The following CLN3 variants were observed in gnomAD, a reference collection of about 807,000 sequenced individuals.
CLN3 encodes CLN3 lysosomal/endosomal transmembrane protein, battenin, also known as battenin.
In CLN3, 49 loss-of-function variants were observed where a neutral mutation model predicts 60.7. The ratio of observed to expected loss-of-function variants is 0.81; its 90% confidence interval spans 0.64 to 1.02. CLN3 has a LOEUF of 1.02. Among genes scored for constraint, CLN3 ranks in the 50% least tolerant of loss-of-function variants. The pLI, the probability that CLN3 is intolerant of heterozygous loss-of-function variation, is 0.00. For missense variants in CLN3, 516 were observed against 557.4 expected (o/e 0.93, Z 0.75); for synonymous variants, 256 against 245.8 (o/e 1.04, Z -0.39).
At chr16:28,474,396 A>C (rs1227132796), downstream of CLN3, 1 of 152,208 alleles carries the variant, frequency 6.6e-6, no homozygotes, top group Non-Finnish European at 1.5e-5. Context: ...GGAGACTGAG[A>C]TTGCAGTGAG....
chr16:28,468,593 G>T, the CLN3 span, among the ~76,000 whole-genome samples: 2 of 135,334 alleles, frequency 1.5e-5, no homozygotes, highest in Non-Finnish European at 3.2e-5. Context: ...TGGACCACGA[G>T]ATCAGGAGAT....
intron 14 of CLN3, among the ~76,000 whole-genome samples, chr16:28,478,761 G>A (rs528445281): frequency 3.1e-4 from 47 of 152,104 alleles, no homozygotes; most frequent in African/African-American, 1.0e-3. Flanking sequence ...ATATGGCAGC[G>A]CATTTAGCAG....
rs184662946 is a variant in CLN3, at chr16:28,477,372, C to T, written c.*144G>A. 6.9e-4 allele frequency: 767 copies of T among 1,106,736 alleles called. 15 individuals are homozygous for T. The Admixed American group carries it at 0.015, about 21-fold the overall frequency. 68.6% of individuals were successfully genotyped at this position (1,106,736 alleles called of 1,614,324 possible). A position where few individuals can be genotyped will look rare whatever the true frequency, so the allele number is the denominator to read the frequency against. On this transcript the variant is annotated 3_prime_UTR_variant, in exon 16 of 16. Transcript: ENST00000636147. The stretch of plus-strand genomic sequence containing the variant: ...ATGGCTGGCCCCCCTGCAAGGGAAA[C>T]AAGGCTTCAGCCCTTCCCTACTCCC...
At chr16:28,480,543 G>C (rs2046072434) in intron 14 of CLN3, among the ~76,000 whole-genome samples, 1 of 152,082 alleles carries the variant, frequency 6.6e-6, no homozygotes, top group South Asian at 2.1e-4. Context: ...TGAGATGACA[G>C]GCAGGTGCCA....
chr16:28,482,784 C>A lies in CLN3; in HGVS notation c.791-112G>T, dbSNP rs111351669. ...ACCACGCAACAGTGGGAACTCACTTCCATGCCACTGGATTGGACACTTAAA... is the reference window on the plus strand; with the variant it reads ...ACCACGCAACAGTGGGAACTCACTTACATGCCACTGGATTGGACACTTAAA... On this transcript the variant is annotated intron_variant, in intron 10 of 15. Coordinates refer to ENST00000636147, the MANE Select transcript of CLN3 (RefSeq NM_001042432.2). 2.1e-3 allele frequency: 2,410 copies of A among 1,126,392 alleles called. 26 individuals carry two copies. The African/African-American group carries it at 0.024, about 11-fold the overall frequency. 69.8% of individuals were successfully genotyped at this position (1,126,392 alleles called of 1,614,324 possible).
downstream of CLN3, among the ~76,000 whole-genome samples, chr16:28,472,774 TG>T (rs1465318915): frequency 1.6e-5 from 2 of 127,504 alleles, no homozygotes; most frequent in African/African-American, 3.1e-5. Context: ...CCCGGGAGTC[TG>T]GGCAAAAAGA....
Position 28,492,072 on chromosome 16 carries a change from C to G in CLN3, c.-129G>C, listed in dbSNP as rs141305257. Reference sequence around the variant, plus strand: ...TATGCAGAGGCCGTTTGTCGGATCACGTGACAGCACCCGCGTGTTCCCCCA... The same window carrying G: ...TATGCAGAGGCCGTTTGTCGGATCAGGTGACAGCACCCGCGTGTTCCCCCA... On this transcript the variant is annotated 5_prime_UTR_variant, in exon 1 of 16. Transcript: ENST00000636147. 539 of 462,860 alleles carry G rather than the reference C, an allele frequency of 1.2e-3. 3 individuals are homozygous for G. The highest frequency in any genetic ancestry group is 9.5e-3 in the African/African-American group (485 of 51,224). The allele number at this position is 462,860 out of a possible 1,614,324, so 28.7% of individuals were successfully genotyped here. A position where few individuals can be genotyped will look rare whatever the true frequency, so the allele number is the denominator to read the frequency against.
Position 28,477,794 on chromosome 16 carries a change from A to G in CLN3, c.1140T>C (p.Tyr380=). Residue 380 remains tyrosine (Y), a synonymous_variant, in exon 15 of 16, where the codon TAT becomes TAC. Coordinates refer to ENST00000636147, the MANE Select transcript of CLN3 (RefSeq NM_001042432.2). ...AGGCTGCGCCTCCCAGGAGCCCCTCATACAGAATGATCAGGAAGACGAGGT... is the reference window on the plus strand; with the variant it reads ...AGGCTGCGCCTCCCAGGAGCCCCTCGTACAGAATGATCAGGAAGACGAGGT... ...SIYLVFLIIL[Y]EGLLGGAAYV... 1 of 1,614,182 alleles carries G rather than the reference A, an allele frequency of 6.2e-7. No individual in the cohort carries two copies. The highest frequency in any genetic ancestry group is 8.5e-7 in the Non-Finnish European group (1 of 1,180,028).
At chr16:28,485,636 T>A (rs1297408163) in intron 9 of CLN3, among the ~76,000 whole-genome samples, 2 of 103,564 alleles carry the variant, frequency 1.9e-5, no homozygotes, top group African/African-American at 7.6e-5. Flanking sequence ...GCCCTGGCAC[T>A]CAGGCAGGCA....
chr16:28,477,349 G>T lies in CLN3; in HGVS notation c.*167C>A. The T allele has an allele frequency of 1.2e-6, 1 of 847,758 alleles. No individual in the cohort carries two copies. Among genetic ancestry groups the T allele is most frequent in the Non-Finnish European group, 1.9e-6 (1 of 527,804 alleles). The allele number at this position is 847,758 out of a possible 1,614,324, so 52.5% of individuals were successfully genotyped here. On this transcript the variant is annotated 3_prime_UTR_variant, in exon 16 of 16. Transcript: ENST00000636147. ...AGAAACTCCCCAAGTGGGAGACAATGGCTGGCCCCCCTGCAAGGGAAACAA... is the reference window on the plus strand; with the variant it reads ...AGAAACTCCCCAAGTGGGAGACAATTGCTGGCCCCCCTGCAAGGGAAACAA...
rs368542813 is a variant in CLN3 at position 28,491,849 on chromosome 16, C to T, written c.-76-14G>A. The T allele has an allele frequency of 9.5e-5, 143 of 1,498,880 alleles. No homozygotes were observed. In the African/African-American group the frequency reaches 1.6e-3, roughly 16 times the overall value. 92.8% of individuals were successfully genotyped at this position (1,498,880 alleles called of 1,614,324 possible). ...AGGGATGAGGGTCTGCGACAGGTGA[C>T]AAGGATCAACGCCCGATTGCCGGTC... On this transcript the variant is annotated splice_polypyrimidine_tract_variant and intron_variant, in intron 1 of 15. Transcript: ENST00000636147.
At chr16:28,479,196 T>C (rs151181) in intron 14 of CLN3, among the ~76,000 whole-genome samples, 49,127 of 152,140 alleles carry the variant, frequency 0.32, 9,292 homozygotes, top group Non-Finnish European at 0.41. Context: ...ATGTAAGAAT[T>C]GCCTGGGGAT....
chr16:28,488,736 C>T (rs1352549977), intron 4 of CLN3, 74 bp from the exon 5 acceptor site: 1 of 1,452,322 alleles, frequency 6.9e-7, no homozygotes, highest in African/African-American at 1.4e-5. Flanking sequence ...CCCGTCCCAG[C>T]TCTGCCTTCA....
chr16:28,470,513 G>A (rs1223659938), downstream of CLN3: 4 of 1,085,128 alleles, frequency 3.7e-6, no homozygotes, highest in African/African-American at 4.6e-5. Context: ...GGGAGGGAAG[G>A]GGACGGGGAC....
intron 9 of CLN3, chr16:28,484,958 T>C (rs530131503): frequency 1.8e-4 from 27 of 152,080 alleles, no homozygotes; most frequent in African/African-American, 6.5e-4. Flanking sequence ...GTGTTTTTTT[T>C]TTTTTTAGAC....
rs1485592349 is a variant in CLN3 at position 28,489,398 on chromosome 16, A to G, written c.126-12T>C. On this transcript the variant is annotated splice_polypyrimidine_tract_variant and intron_variant, in intron 3 of 15. Transcript: ENST00000636147. ...AAAGGCCCAGCAGCCTGGAAGGAGC[A>G]GGACAGGTCTCAACTCCCTCCTCAT... The G allele has an allele frequency of 5.6e-6, 9 of 1,595,804 alleles. No individual in the cohort carries two copies. The highest frequency in any genetic ancestry group is 6.9e-6 in the Non-Finnish European group (8 of 1,167,760).
Position 28,482,401 on chromosome 16 carries a change from A to G in CLN3, c.907-19T>C, listed in dbSNP as rs754055232. The G allele has an allele frequency of 1.2e-6, 2 of 1,614,086 alleles. No homozygotes were observed. The highest frequency in any genetic ancestry group is 2.2e-5 in the South Asian group (2 of 91,086). ...GTTCAAACTGCAACAAATACCAGAC[A>G]GGGGAGATGGACGGGGCTGTGTGGG... On this transcript the variant is annotated intron_variant, in intron 12 of 15. Coordinates refer to ENST00000636147, the MANE Select transcript of CLN3 (RefSeq NM_001042432.2).
chr16:28,476,061 A>G (rs1187462268), downstream of CLN3: 7 of 151,496 alleles, frequency 4.6e-5, no homozygotes, highest in Non-Finnish European at 8.8e-5. Flanking sequence ...AATTTTTTAT[A>G]TTTTTCGTAG....
chr16:28,491,622 G>T, intron 2 of CLN3, 62 bp from the exon 3 acceptor site: 1 of 1,613,534 alleles, frequency 6.2e-7, no homozygotes, highest in Non-Finnish European at 8.5e-7. Context: ...CGCTCCTTGC[G>T]TGTCCTCCCG....
Sources: allele counts gnomAD v4.1 joint callset (sites outside exome capture counted in the v4.1 genomes callset), GRCh38; gene constraint gnomAD v4.1.1; transcripts MANE v1.5; gene names NCBI Gene and HGNC (gene_info 2026-07-23, HGNC 2026-07-21).